The following CCR3 variants were observed in gnomAD, a reference collection of about 807,000 sequenced individuals.
CCR3 encodes C-C motif chemokine receptor 3.
For missense variants in CCR3, 419 were observed against 437.5 expected (o/e 0.96, Z 0.38); for synonymous variants, 203 against 179.2 (o/e 1.13, Z -1.06).
At chr3:46,239,544 T>G (rs997560082), upstream of CCR3, among the ~76,000 whole-genome samples, 1 of 152,190 alleles carries the variant, frequency 6.6e-6, no homozygotes, top group African/African-American at 2.4e-5. Context: ...CCGGTCTGTG[T>G]GGTGCTAAAT....
upstream of CCR3, among the ~76,000 whole-genome samples, chr3:46,239,631 C>T (rs567075479): frequency 6.6e-6 from 1 of 152,316 alleles, no homozygotes; most frequent in South Asian, 2.1e-4. Flanking sequence ...ATTTCCACTC[C>T]ACCATTTAGT....
intron 2 of CCR3, among the ~76,000 whole-genome samples, chr3:46,222,541 C>T (rs758471501): frequency 1.3e-5 from 2 of 152,160 alleles, no homozygotes; most frequent in African/African-American, 4.8e-5. Context: ...CCCCACCCCA[C>T]AGATCTAGTG....
chr3:46,219,784 C>T lies in CCR3; in HGVS notation c.-68+8877C>T, dbSNP rs139290893. Among the ~76,000 whole-genome samples the T allele has an allele frequency of 3.8e-4, 58 of 152,196 alleles. 1 individual carries two copies. Among genetic ancestry groups the T allele is most frequent in the African/African-American group, 1.3e-3 (52 of 41,524 alleles). On this transcript the variant is annotated intron_variant, in intron 2 of 3. Coordinates refer to the CCR3 transcript ENST00000357422. ...AATGGTACTGGGATAATTGTCAAAC[C>T]ACATGTAGAAGAATGAAACTGAATC...
rs1341849506 is a variant in CCR3, at chr3:46,249,691, G to T, written c.-12+7153G>T. 2.0e-5 allele frequency among the ~76,000 whole-genome samples: 3 copies of T among 152,294 alleles called. 1 individual carries two copies. Among genetic ancestry groups the T allele is most frequent in the Admixed American group, 6.5e-5 (1 of 15,300 alleles). On this transcript the variant is annotated intron_variant, in intron 1 of 1. Transcript: ENST00000395940. ...ATTTCCAGTGGGGTCCCACACAGAT[G>T]GGGGAATCCTGGGCTGCAGGCATTC...
intron 1 of CCR3, among the ~76,000 whole-genome samples, chr3:46,253,746 T>C (rs140606210): frequency 6.6e-6 from 1 of 152,278 alleles, no homozygotes; most frequent in Non-Finnish European, 1.5e-5. Context: ...GGTTCAGGGG[T>C]AAATGTGCAG....
intron 2 of CCR3, among the ~76,000 whole-genome samples, chr3:46,230,613 T>C (rs995670280): frequency 3.3e-5 from 5 of 151,956 alleles, no homozygotes; most frequent in African/African-American, 1.2e-4. Context: ...AATGCACTCA[T>C]CTCCCAGGGT....
chr3:46,240,104 T>C (rs1700064610), upstream of CCR3, among the ~76,000 whole-genome samples: 1 of 152,122 alleles, frequency 6.6e-6, no homozygotes, highest in Admixed American at 6.6e-5. Context: ...TGGCATGTCA[T>C]GTGATCTAGG....
chr3:46,265,727 A>G lies in CCR3; in HGVS notation c.569A>G (p.Asp190Gly), dbSNP rs780329138. The G allele has an allele frequency of 7.4e-6, 12 of 1,613,860 alleles. No homozygotes were observed. In the Admixed American group the frequency reaches 2.0e-4, roughly 27 times the overall value. The change falls in exon 2 of 2, where the codon GAT becomes GGT. Residue 190 changes from aspartate (D) to glycine (G), a missense_variant. Physicochemically the swap from Asp to Gly is moderately conservative, Grantham distance 94 (BLOSUM62 -1). Transcript: ENST00000395940. ...ETLCSALYPEDTVYSWRHFHT... is the reference protein window; with the variant it reads ...ETLCSALYPEGTVYSWRHFHT... ...CTTTGCAGTGCTCTTTACCCAGAGG[A>G]TACAGTATATAGCTGGAGGCATTTC...
chr3:46,247,399 T>G lies in CCR3; in HGVS notation c.-12+4861T>G, dbSNP rs189204605. Reference sequence around the variant, plus strand: ...AGGAACTTAAATGGGCTGTACCTTATAGCATTCCGAGGACAGGTCTGACTT... The same window carrying G: ...AGGAACTTAAATGGGCTGTACCTTAGAGCATTCCGAGGACAGGTCTGACTT... On this transcript the variant is annotated intron_variant, in intron 1 of 1. Transcript: ENST00000395940. Among the ~76,000 whole-genome samples the G allele has an allele frequency of 1.5e-4, 23 of 152,310 alleles. No individual in the cohort carries two copies. The East Asian group carries it at 4.0e-3, about 27-fold the overall frequency.
At chr3:46,255,590 A>G (rs1244088077) in intron 1 of CCR3, among the ~76,000 whole-genome samples, 1 of 152,032 alleles carries the variant, frequency 6.6e-6, no homozygotes, top group African/African-American at 2.4e-5. Flanking sequence ...AGAGATGAGG[A>G]TCCAGTTTCA....
intron 2 of CCR3, among the ~76,000 whole-genome samples, chr3:46,212,552 A>G (rs1202324125): frequency 6.8e-6 from 1 of 146,012 alleles, no homozygotes; most frequent in African/African-American, 2.6e-5. Context: ...TCCTCACTGC[A>G]TACTTCTTCT....
intron 2 of CCR3, among the ~76,000 whole-genome samples, chr3:46,235,450 C>T (rs532701656): frequency 6.6e-6 from 1 of 152,330 alleles, no homozygotes; most frequent in East Asian, 1.9e-4. Flanking sequence ...ATTCTCACAT[C>T]CCTGCAGGTA....
At chr3:46,217,368 G>A (rs1284561317) in intron 2 of CCR3, among the ~76,000 whole-genome samples, 2 of 152,088 alleles carry the variant, frequency 1.3e-5, no homozygotes, top group Non-Finnish European at 2.9e-5. Context: ...TAGTCGTAGG[G>A]GAAGTCAGTA....
chr3:46,259,236 GTCTT>G (rs1184626888), intron 1 of CCR3, among the ~76,000 whole-genome samples: 32 of 152,322 alleles, frequency 2.1e-4, no homozygotes, highest in African/African-American at 7.5e-4. Flanking sequence ...ATGTGTCAGA[GTCTT>G]TCTATGAATT....
chr3:46,230,230 T>C (rs1699946479), intron 2 of CCR3, among the ~76,000 whole-genome samples: 1 of 152,198 alleles, frequency 6.6e-6, no homozygotes, highest in South Asian at 2.1e-4. Context: ...CTCATTCTTT[T>C]CTGTAATGAA....
At chr3:46,212,114 A>G (rs1030879493) in intron 2 of CCR3, among the ~76,000 whole-genome samples, 1 of 152,080 alleles carries the variant, frequency 6.6e-6, no homozygotes, top group Non-Finnish European at 1.5e-5. Context: ...CTTTCGTGAT[A>G]CAACCTCAAC....
intron 2 of CCR3, among the ~76,000 whole-genome samples, chr3:46,231,734 CTCA>C (rs1331784631): frequency 1.3e-5 from 2 of 152,268 alleles, no homozygotes; most frequent in Admixed American, 1.3e-4. Context: ...TCTCTCCAAA[CTCA>C]TCAAGTTGTA....
chr3:46,252,194 G>C (rs867552903), intron 1 of CCR3, among the ~76,000 whole-genome samples: 1 of 26,840 alleles, frequency 3.7e-5, no homozygotes, highest in African/African-American at 1.5e-4. Flanking sequence ...TTTTTTTTTT[G>C]AGACAGGGTC....
At chr3:46,237,293 T>G (rs1700035023) in intron 2 of CCR3, among the ~76,000 whole-genome samples, 1 of 152,210 alleles carries the variant, frequency 6.6e-6, no homozygotes, top group African/African-American at 2.4e-5. Flanking sequence ...AGATCTCCAG[T>G]TGTTTTTGTT....
Sources: allele counts gnomAD v4.1 joint callset (sites outside exome capture counted in the v4.1 genomes callset), GRCh38; gene constraint gnomAD v4.1.1; transcripts MANE v1.5; gene names NCBI Gene and HGNC (gene_info 2026-07-23, HGNC 2026-07-21).